The following IDH1 variants were observed in gnomAD, a reference collection of about 807,000 sequenced individuals.
IDH1 encodes isocitrate dehydrogenase [NADP] cytoplasmic.
A neutral mutation model predicts 46.1 loss-of-function variants in IDH1; 33 were observed. The observed-to-expected ratio is 0.72, with a 90% CI of 0.54 to 0.96. The LOEUF is 0.96. Ranked by LOEUF, IDH1 falls within the 40% of genes least tolerant of loss-of-function variation. IDH1 has a pLI of 0.00. For synonymous variants in IDH1, 144 were observed against 172.8 expected (o/e 0.83, Z 1.31); for missense variants, 421 against 515.7 (o/e 0.82, Z 1.78).
intron 3 of IDH1, among the ~76,000 whole-genome samples, chr2:208,249,072 G>C (rs1488405676): frequency 6.6e-6 from 1 of 152,110 alleles, no homozygotes; most frequent in Non-Finnish European, 1.5e-5. Context: ...GGGGTGGGAG[G>C]GGTTAAAGGA....
chr2:208,250,375 A>ACATCT (rs1688100462), intron 3 of IDH1, among the ~76,000 whole-genome samples: 1 of 11,728 alleles, frequency 8.5e-5, no homozygotes, highest in Admixed American at 1.0e-3. Flanking sequence ...GCAAGTATTT[A>ACATCT]TATCTTATCA....
chr2:208,250,539 A>C (rs1479702710), intron 3 of IDH1, among the ~76,000 whole-genome samples: 1 of 152,220 alleles, frequency 6.6e-6, no homozygotes, highest in Non-Finnish European at 1.5e-5. Context: ...TAGAGTTGCC[A>C]ATAGTTTGGC....
At chr2:208,245,233 C>T (rs1470298885) in intron 5 of IDH1, 86 bp downstream of exon 5, 2 of 778,182 alleles carry the variant, frequency 2.6e-6, no homozygotes, top group Non-Finnish European at 4.4e-6. Flanking sequence ...TTTAGGCAGT[C>T]ACATAACTAA....
chr2:208,245,121 C>G (rs1455118325), intron 5 of IDH1, among the ~76,000 whole-genome samples, 198 bp downstream of exon 5: 1 of 152,068 alleles, frequency 6.6e-6, no homozygotes, highest in Non-Finnish European at 1.5e-5. Context: ...AGTGGGTAAC[C>G]CTTTTGTGCC....
intron 8 of IDH1, 102 bp from the exon 9 acceptor site, chr2:208,239,335 G>A (rs915204500): frequency 5.3e-5 from 64 of 1,215,784 alleles, no homozygotes; most frequent in Non-Finnish European, 5.9e-5. Context: ...TTGTTTAGGT[G>A]ACAGACTTCT....
rs1479298087 is a variant in IDH1 at position 208,237,130 on chromosome 2, C to G, written c.1194G>C (p.Met398Ile). Residue 398 changes from methionine (M) to isoleucine (I), a missense_variant, in exon 10 of 10, where the codon ATG (methionine) becomes ATC (isoleucine). Coordinates refer to ENST00000345146, the MANE Select transcript of IDH1 (RefSeq NM_005896.4). ...TCTTCAAGTTTTCTCCAAGTTTATC[C>G]ATGAACTCAAATGTATTCAAGTAGT... The part of the protein sequence containing the change: ...RSDYLNTFEF[M>I]DKLGENLKIK... 6.2e-7 allele frequency: 1 copy of G among 1,610,774 alleles called. No individual in the cohort carries two copies. The highest frequency in any genetic ancestry group is 2.2e-5 in the East Asian group (1 of 44,828).
In IDH1 at chr2:208,242,159, G is replaced by T. The variant is rs780738017; in HGVS notation, c.699-14C>A. ...GACTTGTACTGCCTGGGAAACAAAA[G>T]GTAAAAGAGAATAATAATAAAGAAA... On this transcript the variant is annotated splice_polypyrimidine_tract_variant and intron_variant, in intron 6 of 9. Transcript: ENST00000345146. The T allele has an allele frequency of 6.2e-7, 1 of 1,612,398 alleles. No homozygotes were observed. The highest frequency in any genetic ancestry group is 1.1e-5 in the South Asian group (1 of 91,040).
chr2:208,248,304 G>T, intron 4 of IDH1, 65 bp downstream of exon 4: 2 of 1,444,380 alleles, frequency 1.4e-6, no homozygotes, highest in Non-Finnish European at 1.9e-6. Context: ...ACACATACAA[G>T]TTGGAAATTT....
chr2:208,241,949 C>G (rs760239354), intron 7 of IDH1, 45 bp downstream of exon 7: 2 of 1,602,918 alleles, frequency 1.2e-6, no homozygotes, highest in African/African-American at 2.7e-5. Flanking sequence ...TAGAGAACTA[C>G]CCTGGAATGA....
chr2:208,240,184 G>T, intron 7 of IDH1, 181 bp from the exon 8 acceptor site: 1 of 675,092 alleles, frequency 1.5e-6, no homozygotes, highest in Non-Finnish European at 2.7e-6. Flanking sequence ...AGATATCAGA[G>T]CCAATGGGTC....
At chr2:208,253,058 T>C (rs965255451) in intron 2 of IDH1, among the ~76,000 whole-genome samples, 1 of 152,248 alleles carries the variant, frequency 6.6e-6, no homozygotes, top group African/African-American at 2.4e-5. Context: ...ACTTATCTGG[T>C]TCCTGATAAT....
rs1688060865 is a variant in IDH1 at position 208,248,385 on chromosome 2, T to G, written c.398A>C (p.His133Pro). 1 of 1,613,738 alleles carries G rather than the reference T, an allele frequency of 6.2e-7. No homozygotes were observed. Among genetic ancestry groups the G allele is most frequent in the Non-Finnish European group, 8.5e-7 (1 of 1,179,930 alleles). ...ATGACTTACTTGATCCCCATAAGCA[T>G]GACGACCTATGATGATAGGTTTTAC... is the stretch of plus-strand genomic sequence containing the variant. ...GWVKPIIIGR[H>P]AYGDQYRATD... Residue 133 changes from histidine (H) to proline (P), a missense_variant, in exon 4 of 10, where the codon CAT becomes CCT. Transcript: ENST00000345146.
At chr2:208,254,606 T>G (rs539330725) in intron 1 of IDH1, 1 of 152,540 alleles carries the variant, frequency 6.6e-6, no homozygotes, top group Admixed American at 6.5e-5. Flanking sequence ...GTCTTCTACA[T>G]GCATTCTTGC....
chr2:208,243,568 T>C lies in IDH1; in HGVS notation c.557A>G (p.Asp186Gly). 1 of 1,614,034 alleles carries C rather than the reference T, an allele frequency of 6.2e-7. No homozygotes were observed. Among genetic ancestry groups the C allele is most frequent in the Non-Finnish European group, 8.5e-7 (1 of 1,179,908 alleles). Reference sequence around the variant, plus strand: ...GTGTGCAAAATCTTCAATTGACTTATCTTGATTATACATCCCCATGGCAAC... The same window carrying C: ...GTGTGCAAAATCTTCAATTGACTTACCTTGATTATACATCCCCATGGCAAC... Reference protein sequence around the residue: ...GGVAMGMYNQDKSIEDFAHSS... With the variant: ...GGVAMGMYNQGKSIEDFAHSS... The change falls in exon 6 of 10, where the codon GAT (aspartate) becomes GGT (glycine). Residue 186 changes from aspartate (D) to glycine (G), a missense_variant. Physicochemically the swap from Asp to Gly is moderately conservative, Grantham distance 94 (BLOSUM62 -1). Transcript: ENST00000345146.
chr2:208,236,931 G>T lies in IDH1; in HGVS notation c.*148C>A. The stretch of plus-strand genomic sequence containing the variant: ...CAATAACTGTATATATAAGAAAAAG[G>T]CTGTAAACTTATAGAAAAGATAAAC... On this transcript the variant is annotated 3_prime_UTR_variant, in exon 10 of 10. Coordinates refer to ENST00000345146, the MANE Select transcript of IDH1 (RefSeq NM_005896.4). 1 of 621,754 alleles carries T rather than the reference G, an allele frequency of 1.6e-6. No individual in the cohort carries two copies. Among genetic ancestry groups the T allele is most frequent in the Non-Finnish European group, 2.8e-6 (1 of 351,018 alleles). 38.5% of individuals were successfully genotyped at this position (621,754 alleles called of 1,614,324 possible).
intron 9 of IDH1, among the ~76,000 whole-genome samples, chr2:208,238,267 C>A (rs1349319141): frequency 6.6e-6 from 1 of 152,034 alleles, no homozygotes; most frequent in Non-Finnish European, 1.5e-5. Context: ...GATCTCCTGA[C>A]CTCGTGATCC....
At chr2:208,237,843 T>C (rs1011895019) in intron 9 of IDH1, among the ~76,000 whole-genome samples, 5 of 150,750 alleles carry the variant, frequency 3.3e-5, no homozygotes, top group African/African-American at 1.2e-4. Flanking sequence ...GAAGAATCAC[T>C]TGAACCCAGG....
intron 3 of IDH1, among the ~76,000 whole-genome samples, chr2:208,249,917 G>A (rs1409518534): frequency 6.6e-6 from 1 of 152,136 alleles, no homozygotes; most frequent in Non-Finnish European, 1.5e-5. Context: ...TTTCTCATAA[G>A]GAGAATCTAT....
intron 2 of IDH1, among the ~76,000 whole-genome samples, chr2:208,252,209 A>C (rs762403840): frequency 7.2e-5 from 11 of 152,254 alleles, no homozygotes; most frequent in Non-Finnish European, 1.5e-4. Flanking sequence ...GTTTTCCTAG[A>C]GATAACACAG....
Sources: allele counts gnomAD v4.1 joint callset (sites outside exome capture counted in the v4.1 genomes callset), GRCh38; gene constraint gnomAD v4.1.1; transcripts MANE v1.5; gene names NCBI Gene and HGNC (gene_info 2026-07-23, HGNC 2026-07-21).